The following CAMSAP1 variants were observed in gnomAD, a reference collection of about 807,000 sequenced individuals.
The protein encoded by CAMSAP1 is calmodulin regulated spectrin associated protein 1.
A neutral mutation model predicts 143.5 loss-of-function variants in CAMSAP1; 58 were observed. The observed-to-expected ratio is 0.40, with a 90% CI of 0.33 to 0.50. The LOEUF (loss-of-function observed/expected upper bound fraction) is 0.50. Among genes scored for constraint, CAMSAP1 ranks in the 20% least tolerant of loss-of-function variants. The pLI is 0.45. For missense variants in CAMSAP1, 1,969 were observed against 2,115.7 expected (o/e 0.93, Z 1.36); for synonymous variants, 945 against 859.3 (o/e 1.10, Z -1.74).
intron 1 of CAMSAP1, among the ~76,000 whole-genome samples, chr9:135,890,780 T>C (rs545967668): frequency 1.4e-4 from 21 of 152,146 alleles, no homozygotes; most frequent in Non-Finnish European, 2.9e-4. Flanking sequence ...GTTTCCAAAA[T>C]CTTTCACATA....
At chr9:135,832,015 T>C (rs1046720526) in intron 7 of CAMSAP1, among the ~76,000 whole-genome samples, 3 of 152,088 alleles carry the variant, frequency 2.0e-5, no homozygotes, top group Admixed American at 2.0e-4. Context: ...TTCTACCAAT[T>C]CTTCTTAAAT....
intron 3 of CAMSAP1, among the ~76,000 whole-genome samples, chr9:135,879,417 G>T (rs541805893): frequency 2.6e-5 from 4 of 152,040 alleles, no homozygotes; most frequent in Non-Finnish European, 4.4e-5. Flanking sequence ...AAAAAAATAC[G>T]GGCAAAGATA....
intron 1 of CAMSAP1, among the ~76,000 whole-genome samples, chr9:135,887,734 G>A (rs1177602418): frequency 6.6e-6 from 1 of 152,200 alleles, no homozygotes; most frequent in Admixed American, 6.5e-5. Flanking sequence ...GCCCAGCCTG[G>A]AGGAAGTGGG....
At chr9:135,886,679 C>A (rs373767952) in intron 1 of CAMSAP1, among the ~76,000 whole-genome samples, 1 of 152,164 alleles carries the variant, frequency 6.6e-6, no homozygotes, top group East Asian at 1.9e-4. Context: ...GGGGGTCAGA[C>A]AAGCCAGAGG....
chr9:135,854,343 T>C (rs1489319614), intron 5 of CAMSAP1, among the ~76,000 whole-genome samples: 1 of 152,250 alleles, frequency 6.6e-6, no homozygotes, highest in Non-Finnish European at 1.5e-5. Context: ...ATACCTGAAT[T>C]CTTGATCAGT....
At chr9:135,905,809 A>G (rs935902389) in intron 1 of CAMSAP1, among the ~76,000 whole-genome samples, 7 of 152,116 alleles carry the variant, frequency 4.6e-5, no homozygotes, top group African/African-American at 1.5e-4. Context: ...ACTGCAAGAT[A>G]CCCAGGCGTC....
intron 4 of CAMSAP1, among the ~76,000 whole-genome samples, chr9:135,863,903 A>G (rs1186594230): frequency 6.6e-6 from 1 of 152,112 alleles, no homozygotes; most frequent in Admixed American, 6.5e-5. Flanking sequence ...GGGAAAGCAC[A>G]TGGTTTCTTG....
chr9:135,883,859 C>T (rs1489771155), intron 1 of CAMSAP1, among the ~76,000 whole-genome samples: 7 of 152,194 alleles, frequency 4.6e-5, no homozygotes, highest in Non-Finnish European at 4.4e-5. Context: ...TGAACCCACA[C>T]AATCTGATCC....
chr9:135,883,723 G>A (rs1838032504), intron 1 of CAMSAP1, among the ~76,000 whole-genome samples: 1 of 152,170 alleles, frequency 6.6e-6, no homozygotes, highest in Non-Finnish European at 1.5e-5. Flanking sequence ...CTCTTGACAT[G>A]AACCACGCTA....
At chr9:135,880,131 G>A (rs1413637976) in intron 3 of CAMSAP1, among the ~76,000 whole-genome samples, 1 of 152,054 alleles carries the variant, frequency 6.6e-6, no homozygotes, top group Non-Finnish European at 1.5e-5. Flanking sequence ...ATCAATAAAA[G>A]ATATTAAAGA....
At chr9:135,835,911 T>A (rs1355568656) in intron 7 of CAMSAP1, among the ~76,000 whole-genome samples, 1 of 152,050 alleles carries the variant, frequency 6.6e-6, no homozygotes, top group Non-Finnish European at 1.5e-5. Context: ...ACCCAGGAGG[T>A]GGAGGCTGCA....
At chr9:135,848,706 G>T (rs1015105399) in intron 7 of CAMSAP1, among the ~76,000 whole-genome samples, 4 of 152,192 alleles carry the variant, frequency 2.6e-5, no homozygotes, top group Admixed American at 6.5e-5. Context: ...TTGTGGCATG[G>T]ACATAGAACA....
chr9:135,829,640 G>C (rs62584816), intron 7 of CAMSAP1, among the ~76,000 whole-genome samples: 21,504 of 152,148 alleles, frequency 0.14, 1,702 homozygotes, highest in Non-Finnish European at 0.17. Context: ...GATCACCCGA[G>C]GTTGGGAGTT....
rs1265632031 is a variant in CAMSAP1 at position 135,815,886 on chromosome 9, T to C, written c.4387+4A>G. On this transcript the variant is annotated splice_donor_region_variant and intron_variant, in intron 15 of 16. Coordinates refer to ENST00000389532, the MANE Select transcript of CAMSAP1 (RefSeq NM_015447.4). ...TGACCTCTAAGGAGGGCGAACGCCG[T>C]CACCTGTGTACTCGGCCACTGAGGC... 2 of 1,612,890 alleles carry C rather than the reference T, an allele frequency of 1.2e-6. No homozygotes were observed. The highest frequency in any genetic ancestry group is 1.7e-6 in the Non-Finnish European group (2 of 1,179,252).
chr9:135,859,358 T>C (rs1050372845), intron 5 of CAMSAP1, among the ~76,000 whole-genome samples: 2 of 152,226 alleles, frequency 1.3e-5, no homozygotes, highest in South Asian at 2.1e-4. Context: ...AAGTCAGCAA[T>C]GTGGCTCTGT....
chr9:135,846,698 A>C (rs1332720572), intron 7 of CAMSAP1, among the ~76,000 whole-genome samples: 7 of 151,922 alleles, frequency 4.6e-5, no homozygotes, highest in African/African-American at 1.4e-4. Flanking sequence ...AAAAAAAAAA[A>C]AAAAATCAAA....
At chr9:135,866,593 T>C (rs1480802203) in intron 3 of CAMSAP1, 57 bp from the exon 4 acceptor site, 6 of 806,422 alleles carry the variant, frequency 7.4e-6, no homozygotes, top group Non-Finnish European at 1.3e-5. Context: ...CAATTGTATC[T>C]CCACAATTAT....
chr9:135,859,951 T>A (rs372584674), intron 5 of CAMSAP1, among the ~76,000 whole-genome samples: 55 of 148,040 alleles, frequency 3.7e-4, no homozygotes, highest in African/African-American at 1.3e-3. Context: ...ACGTATGGAA[T>A]CCCAGCACTT....
intron 5 of CAMSAP1, among the ~76,000 whole-genome samples, chr9:135,855,725 C>A (rs1476628664): frequency 8.3e-6 from 1 of 120,346 alleles, no homozygotes; most frequent in African/African-American, 3.3e-5. Flanking sequence ...GCCTGGGTGA[C>A]TAAGGGAGAC....
Sources: gnomAD v4.1 joint callset for allele counts (sites outside exome capture counted in the v4.1 genomes callset) on GRCh38, gnomAD v4.1.1 for gene constraint, MANE v1.5 for transcripts, NCBI Gene and HGNC (gene_info 2026-07-23, HGNC 2026-07-21) for gene names.